Variants in RNF216 observed in about 807,000 individuals in gnomAD.
RNF216 encodes the protein E3 ubiquitin-protein ligase RNF216.
A neutral mutation model predicts 110.8 loss-of-function variants in RNF216; 72 were observed. The observed-to-expected ratio is 0.65, with a 90% CI of 0.54 to 0.79. The LOEUF (loss-of-function observed/expected upper bound fraction) is 0.79, where lower values mean the gene tolerates loss of function less well. Among genes scored for constraint, RNF216 ranks in the 30% least tolerant of loss-of-function variants. The pLI, the probability that RNF216 is intolerant of heterozygous loss-of-function variation, is 0.00. For missense variants in RNF216, 1,342 were observed against 1,141.2 expected, an observed-to-expected ratio of 1.18 and a Z score of -2.54; for synonymous variants, 495 against 407.5, an observed-to-expected ratio of 1.21 and a Z score of -2.59.
chr7:5,682,567 C>A (rs139630621), intron 13 of RNF216, among the ~76,000 whole-genome samples: 2 of 152,016 alleles, frequency 1.3e-5, no homozygotes, highest in Non-Finnish European at 2.9e-5. Flanking sequence ...ACCACCATGC[C>A]GGGCTATTTT....
At chr7:5,727,035 G>A (rs1295058665) in intron 7 of RNF216, among the ~76,000 whole-genome samples, 2 of 152,140 alleles carry the variant, frequency 1.3e-5, no homozygotes, top group African/African-American at 4.8e-5. Context: ...TGTGGCAGGG[G>A]ATAGGAGGCC....
intron 13 of RNF216, among the ~76,000 whole-genome samples, chr7:5,678,418 G>A (rs1036494931): frequency 3.3e-5 from 5 of 152,132 alleles, no homozygotes; most frequent in Admixed American, 1.3e-4. Flanking sequence ...ACTGACCTAC[G>A]TTACCACCTC....
intron 13 of RNF216, 98 bp downstream of exon 13, chr7:5,711,663 T>C (rs1792698557): frequency 1.2e-5 from 11 of 907,404 alleles, no homozygotes; most frequent in Admixed American, 2.4e-5. Flanking sequence ...ATCCTTCTTA[T>C]ACATCAGCAG....
At position 5,712,883 on chromosome 7, in the gene RNF216, C is replaced by G; in HGVS notation, c.1834-20G>C. The G allele has an allele frequency of 6.4e-7, 1 of 1,561,308 alleles. No homozygotes were observed. Among genetic ancestry groups the G allele is most frequent in the South Asian group, 1.2e-5 (1 of 83,792 alleles). On this transcript the variant is annotated intron_variant, in intron 11 of 16. Transcript: ENST00000389902. ...CTCCAACTAGAAAAAGGCGAAAAGG[C>G]AAAGAAAAAAAAATCAATACCATTT...
intron 3 of RNF216, among the ~76,000 whole-genome samples, chr7:5,745,981 C>T (rs930841900): frequency 6.6e-6 from 1 of 151,374 alleles, no homozygotes; most frequent in Non-Finnish European, 1.5e-5. Context: ...ACAATAAAGA[C>T]AGTTGAGATC....
Position 5,741,071 on chromosome 7 carries a change from G to C in RNF216, c.946C>G (p.Pro316Ala). Residue 316 changes from proline (P) to alanine (A), a missense_variant, in exon 4 of 17, where the codon CCA becomes GCA. Physicochemically the swap from Pro to Ala is conservative, Grantham distance 27 (BLOSUM62 -1). Transcript: ENST00000389902. ...TTGGGCTCTTGAGATTCTTGCATTG[G>C]AAAGGCTGGACCTGGCTCTTCATCA... Reference protein sequence around the residue: ...SDDEEPGPAFPMQESQEPNLE... With the variant: ...SDDEEPGPAFAMQESQEPNLE... 2 of 1,614,074 alleles carry C rather than the reference G, an allele frequency of 1.2e-6. No homozygotes were observed. The highest frequency in any genetic ancestry group is 1.7e-5 in the Admixed American group (1 of 60,002).
chr7:5,745,893 T>TAAA lies in RNF216; in HGVS notation c.202-4081_202-4079dup, dbSNP rs55943759. ...CCTGGGTGATAGATTGAGACTGTCTTAAAAAAAAAAAAAAAAAAAGAGCAA... is the reference window on the plus strand; with the variant it reads ...CCTGGGTGATAGATTGAGACTGTCTTAAAAAAAAAAAAAAAAAAAAAAGAGCAA... On this transcript the variant is annotated intron_variant, in intron 3 of 16. Coordinates refer to ENST00000389902, the MANE Select transcript of RNF216 (RefSeq NM_207111.4). Among the ~76,000 whole-genome samples, 485 of 129,972 alleles carry TAAA rather than the reference T, an allele frequency of 3.7e-3. 5 individuals are homozygous for TAAA. The highest frequency in any genetic ancestry group is 7.5e-3 in the Admixed American group (95 of 12,608). The allele number at this position is 129,972 out of a possible 152,430, so 85.3% of individuals were successfully genotyped here.
intron 14 of RNF216, among the ~76,000 whole-genome samples, chr7:5,644,765 C>T (rs1787950257): frequency 1.3e-5 from 2 of 151,930 alleles, no homozygotes; most frequent in South Asian, 4.1e-4. Context: ...CTTGGCCTCT[C>T]AAAGTGTTGG....
chr7:5,659,903 G>A (rs1032638372), intron 13 of RNF216, among the ~76,000 whole-genome samples: 1 of 151,628 alleles, frequency 6.6e-6, no homozygotes, highest in Non-Finnish European at 1.5e-5. Context: ...TATGGCTTCA[G>A]AAAGGGACTT....
chr7:5,777,817 T>C (rs1161422397), intron 1 of RNF216, among the ~76,000 whole-genome samples: 1 of 152,208 alleles, frequency 6.6e-6, no homozygotes, highest in Non-Finnish European at 1.5e-5. Flanking sequence ...TAGGAAAGGT[T>C]TTAAATCAAA....
chr7:5,739,133 G>GCCAC, intron 5 of RNF216, 143 bp downstream of exon 5: 1 of 966,976 alleles, frequency 1.0e-6, no homozygotes, highest in Non-Finnish European at 1.4e-6. Flanking sequence ...GAAGATGGAT[G>GCCAC]GTGGTGATAG....
At chr7:5,691,360 CTG>C (rs1414525134) in intron 13 of RNF216, among the ~76,000 whole-genome samples, 1 of 152,190 alleles carries the variant, frequency 6.6e-6, no homozygotes, top group African/African-American at 2.4e-5. Flanking sequence ...GTCAGTGTTC[CTG>C]TTCTGGCTGG....
Position 5,670,213 on chromosome 7 carries a change from C to A in RNF216, c.2062-17703G>T, listed in dbSNP as rs547124087. Among the ~76,000 whole-genome samples, 6 of 152,216 alleles carry A rather than the reference C, an allele frequency of 3.9e-5. No individual in the cohort carries two copies. The South Asian group carries it at 1.2e-3, about 32-fold the overall frequency. ...CCTCCCAAAGTGCTGGAATTACAGGCGTGAGCTACCGTGCCTGCCCTGGAA... is the reference window on the plus strand; with the variant it reads ...CCTCCCAAAGTGCTGGAATTACAGGAGTGAGCTACCGTGCCTGCCCTGGAA... On this transcript the variant is annotated intron_variant, in intron 13 of 16. Coordinates refer to ENST00000389902, the MANE Select transcript of RNF216 (RefSeq NM_207111.4).
At chr7:5,718,918 A>G (rs898246605) in intron 9 of RNF216, among the ~76,000 whole-genome samples, 31 of 152,188 alleles carry the variant, frequency 2.0e-4, no homozygotes, top group Admixed American at 7.2e-4. Context: ...TTGGCCTCCC[A>G]AAGTGCTGGG....
chr7:5,715,257 A>C (rs1792974041), intron 10 of RNF216, 67 bp from the exon 11 acceptor site: 7 of 1,508,012 alleles, frequency 4.6e-6, no homozygotes, highest in African/African-American at 4.1e-5. Flanking sequence ...CTTGTCTCCC[A>C]TCCTCATCTC....
rs1026231945 is a variant in RNF216 at position 5,776,725 on chromosome 7, CCT to C, written c.-70+4814_-70+4815del. On this transcript the variant is annotated intron_variant, in intron 1 of 16. Transcript: ENST00000389902. ...TTTATCCTTTAAAAGCACAGCAGCCCCTGACTCTACTAAAAAAATACAAAAAT... is the reference window on the plus strand; with the variant it reads ...TTTATCCTTTAAAAGCACAGCAGCCCGACTCTACTAAAAAAATACAAAAAT... Among the ~76,000 whole-genome samples, 13 of 150,848 alleles carry C rather than the reference CCT, an allele frequency of 8.6e-5. No homozygotes were observed. In the East Asian group the frequency reaches 1.8e-3, roughly 20 times the overall value.
Position 5,725,438 on chromosome 7 carries a change from C to A in RNF216, c.1390G>T (p.Ala464Ser). 5 of 1,572,910 alleles carry A rather than the reference C, an allele frequency of 3.2e-6. No individual in the cohort carries two copies. Among genetic ancestry groups the A allele is most frequent in the Non-Finnish European group, 4.4e-6 (5 of 1,145,742 alleles). Residue 464 changes from alanine to serine, a missense_variant and splice_region_variant, in exon 8 of 17, where the codon GCC becomes TCC. Transcript: ENST00000389902. ...LKGHYAITRK[A>S]LSDAIKKWQE... ...CATTTTTTAATGGCATCAGACAAGG[C>A]CTAAAAATTGAGAAAAGGAAAGGTT...
At chr7:5,664,820 A>C (rs1789402237) in intron 13 of RNF216, among the ~76,000 whole-genome samples, 1 of 152,070 alleles carries the variant, frequency 6.6e-6, no homozygotes, top group African/African-American at 2.4e-5. Flanking sequence ...CTTGAGATGA[A>C]GTTTTGCTCT....
At chr7:5,686,934 C>G (rs852267) in intron 13 of RNF216, among the ~76,000 whole-genome samples, 28,281 of 152,122 alleles carry the variant, frequency 0.19, 4,768 homozygotes, top group African/African-American at 0.45. Context: ...GAGCTCAGGT[C>G]GTAATGCTCA....
Sources: gnomAD v4.1 joint callset for allele counts (sites outside exome capture counted in the v4.1 genomes callset) on GRCh38, gnomAD v4.1.1 for gene constraint, MANE v1.5 for transcripts, NCBI Gene and HGNC (gene_info 2026-07-23, HGNC 2026-07-21) for gene names.